HEMK2: variants seen among roughly 807,000 people sequenced by gnomAD.
The protein encoded by HEMK2 is methyltransferase HEMK2.
chr21:28,831,512 A>AAAGG, the HEMK2 span, among the ~76,000 whole-genome samples: 1 of 96,458 alleles, frequency 1.0e-5, no homozygotes, highest in African/African-American at 4.8e-5. Context: ...AGAAAGAAAG[A>AAAGG]AAGAAAGAAA....
the HEMK2 span, among the ~76,000 whole-genome samples, chr21:28,757,649 A>G: frequency 5.3e-5 from 8 of 152,360 alleles, no homozygotes; most frequent in Non-Finnish European, 8.8e-5. Flanking sequence ...GCTACACAAC[A>G]ATCGACAGCA....
the HEMK2 span, among the ~76,000 whole-genome samples, chr21:28,597,469 T>C: frequency 6.6e-6 from 1 of 152,226 alleles, no homozygotes. Flanking sequence ...TTTTAAGTGA[T>C]TCAGGGAAGT....
chr21:28,712,712 T>C, the HEMK2 span, among the ~76,000 whole-genome samples: 4 of 152,186 alleles, frequency 2.6e-5, no homozygotes, highest in African/African-American at 7.2e-5. Flanking sequence ...TTTCATTCCA[T>C]AGACATTGGG....
chr21:28,636,363 G>A, the HEMK2 span, among the ~76,000 whole-genome samples: 2 of 152,078 alleles, frequency 1.3e-5, no homozygotes, highest in African/African-American at 4.8e-5. Flanking sequence ...CTCTTTTGTA[G>A]AGCTAGCAAC....
chr21:28,765,789 C>T, the HEMK2 span, among the ~76,000 whole-genome samples: 1 of 152,062 alleles, frequency 6.6e-6, no homozygotes, highest in Admixed American at 6.6e-5. Context: ...TTCCCTCACA[C>T]TTGAGCTTCA....
At chr21:28,699,615 C>T in the HEMK2 span, among the ~76,000 whole-genome samples, 15 of 151,948 alleles carry the variant, frequency 9.9e-5, no homozygotes, top group Non-Finnish European at 7.4e-5. Flanking sequence ...AACTTTAGTT[C>T]GATTTAAGAT....
the HEMK2 span, among the ~76,000 whole-genome samples, chr21:28,881,936 A>C: frequency 2.0e-5 from 3 of 152,172 alleles, no homozygotes; most frequent in Admixed American, 2.0e-4. Flanking sequence ...TTGTACCCGG[A>C]CTAATTTTTT....
At chr21:28,639,951 G>T in the HEMK2 span, among the ~76,000 whole-genome samples, 1 of 152,184 alleles carries the variant, frequency 6.6e-6, no homozygotes, top group African/African-American at 2.4e-5. Flanking sequence ...GGGATCTGAG[G>T]GGGTGGAGGA....
chr21:28,635,730 T>G, the HEMK2 span, among the ~76,000 whole-genome samples: 1 of 152,110 alleles, frequency 6.6e-6, no homozygotes, highest in African/African-American at 2.4e-5. Context: ...ACTCCATTAC[T>G]AAGTTGCAGA....
chr21:28,601,082 T>A, the HEMK2 span, among the ~76,000 whole-genome samples: 1 of 152,228 alleles, frequency 6.6e-6, no homozygotes, highest in Non-Finnish European at 1.5e-5. Flanking sequence ...TCAAAATACC[T>A]TCAGCTGCAA....
chr21:28,644,930 T>C, the HEMK2 span, among the ~76,000 whole-genome samples: 1 of 152,230 alleles, frequency 6.6e-6, no homozygotes, highest in African/African-American at 2.4e-5. Flanking sequence ...AGGCCAGTGC[T>C]CTGGGGCCTG....
chr21:28,613,363 G>A, the HEMK2 span, among the ~76,000 whole-genome samples: 1 of 151,942 alleles, frequency 6.6e-6, no homozygotes, highest in African/African-American at 2.4e-5. Context: ...AACTGTGACT[G>A]TACATAGCTT....
chr21:28,727,418 T>C, the HEMK2 span, among the ~76,000 whole-genome samples: 2 of 152,176 alleles, frequency 1.3e-5, no homozygotes, highest in Non-Finnish European at 2.9e-5. Context: ...TCAGGAGAAG[T>C]TAGTAAAACC....
At chr21:28,630,617 A>G in the HEMK2 span, among the ~76,000 whole-genome samples, 2 of 151,796 alleles carry the variant, frequency 1.3e-5, no homozygotes, top group East Asian at 3.9e-4. Flanking sequence ...TGATGAGTTC[A>G]TGTCCTTTGT....
the HEMK2 span, among the ~76,000 whole-genome samples, chr21:28,820,030 C>G: frequency 6.6e-6 from 1 of 152,046 alleles, no homozygotes; most frequent in Non-Finnish European, 1.5e-5. Flanking sequence ...CAATTTATGT[C>G]TTTTTCATAG....
the HEMK2 span, among the ~76,000 whole-genome samples, chr21:28,799,996 G>A: frequency 1.3e-5 from 2 of 152,100 alleles, no homozygotes; most frequent in Admixed American, 1.3e-4. Context: ...ACTCAAGTCT[G>A]GCAGTATACA....
chr21:28,864,950 G>T, the HEMK2 span, among the ~76,000 whole-genome samples: 1 of 124,414 alleles, frequency 8.0e-6, no homozygotes. Flanking sequence ...AGAATCTATA[G>T]ATACAGGTAT....
chr21:28,795,688 A>G, the HEMK2 span, among the ~76,000 whole-genome samples: 2 of 152,246 alleles, frequency 1.3e-5, no homozygotes, highest in Non-Finnish European at 2.9e-5. Flanking sequence ...TATCCCAATC[A>G]TGATGATTCA....
At chr21:28,729,487 A>G in the HEMK2 span, among the ~76,000 whole-genome samples, 1 of 152,200 alleles carries the variant, frequency 6.6e-6, no homozygotes, top group Admixed American at 6.5e-5. Flanking sequence ...GCACTGTCTC[A>G]GGCAAAGCTG....
Sources: gnomAD v4.1 joint callset for allele counts (sites outside exome capture counted in the v4.1 genomes callset) on GRCh38, gnomAD v4.1.1 for gene constraint, MANE v1.5 for transcripts, NCBI Gene and HGNC (gene_info 2026-07-23, HGNC 2026-07-21) for gene names.